OTUD7A: variants seen among roughly 807,000 people sequenced by gnomAD.
OTUD7A encodes the protein OTU domain-containing protein 7A.
In OTUD7A, 12 loss-of-function variants were observed where a neutral mutation model predicts 65.7. The observed-to-expected ratio is 0.18, with a 90% CI of 0.12 to 0.30. The LOEUF (loss-of-function observed/expected upper bound fraction) is 0.30, where lower values mean the gene tolerates loss of function less well. Ranked by LOEUF, OTUD7A falls within the 10% of genes least tolerant of loss-of-function variation. OTUD7A has a pLI of 1.00. For synonymous variants in OTUD7A, 641 were observed against 586.3 expected, an observed-to-expected ratio of 1.09 and a Z score of -1.35; for missense variants, 1,148 against 1,304.8, an observed-to-expected ratio of 0.88 and a Z score of 1.85.
At chr15:31,729,214 G>A in intron 1 of OTUD7A, among the ~76,000 whole-genome samples, 1 of 152,184 alleles carries the variant, frequency 6.6e-6, no homozygotes, top group Non-Finnish European at 1.5e-5. Context: ...GGTATCCACT[G>A]GGGTTTCGGA....
intron 1 of OTUD7A, among the ~76,000 whole-genome samples, chr15:31,826,828 T>C (rs1265265180): frequency 6.6e-6 from 1 of 152,176 alleles, no homozygotes. Context: ...GTTCCACAGA[T>C]CTCTAGGGCT....
intron 1 of OTUD7A, chr15:31,765,938 AT>A: frequency 7.5e-7 from 1 of 1,330,336 alleles, no homozygotes; most frequent in Non-Finnish European, 1.1e-6. Context: ...TTTTAACAAT[AT>A]TTTCTAAAAG....
At chr15:31,549,697 G>A (rs1888255906) in intron 5 of OTUD7A, among the ~76,000 whole-genome samples, 2 of 152,064 alleles carry the variant, frequency 1.3e-5, no homozygotes, top group Non-Finnish European at 2.9e-5. Flanking sequence ...GAGGGAAGAG[G>A]GAAAGGGGGA....
intron 1 of OTUD7A, among the ~76,000 whole-genome samples, chr15:31,869,069 G>C (rs2141025494): frequency 6.6e-6 from 1 of 152,278 alleles, no homozygotes; most frequent in East Asian, 1.9e-4. Context: ...CGATATGATA[G>C]GCTTGAGTAG....
At chr15:31,842,495 G>A (rs1386546609) in intron 1 of OTUD7A, among the ~76,000 whole-genome samples, 2 of 152,186 alleles carry the variant, frequency 1.3e-5, no homozygotes, top group Non-Finnish European at 2.9e-5. Context: ...TTTCACAGCC[G>A]GAAGTGAAGC....
intron 5 of OTUD7A, among the ~76,000 whole-genome samples, chr15:31,552,563 C>G (rs1381531115): frequency 6.6e-6 from 1 of 152,250 alleles, no homozygotes; most frequent in Non-Finnish European, 1.5e-5. Flanking sequence ...ATCTTCACAA[C>G]AGCCCCACAA....
In OTUD7A at chr15:31,716,466, G is replaced by A. The variant is rs570858885; in HGVS notation, c.-99-59389C>T. Among the ~76,000 whole-genome samples the A allele has an allele frequency of 5.7e-3, 668 of 117,130 alleles. 3 individuals are homozygous for A. The highest frequency in any genetic ancestry group is 0.017 in the African/African-American group (636 of 37,942). 76.8% of individuals were successfully genotyped at this position (117,130 alleles called of 152,430 possible). On this transcript the variant is annotated intron_variant, in intron 1 of 12. Transcript: ENST00000307050. ...ATTCAAAGATGGAGGAGCAAATGAC[G>A]TGTGAGTGGGCACAGCCTCCACAGA...
chr15:31,499,502 C>T (rs2041432972), intron 10 of OTUD7A, among the ~76,000 whole-genome samples: 1 of 152,254 alleles, frequency 6.6e-6, no homozygotes, highest in Admixed American at 6.5e-5. Context: ...ACTGTGATTT[C>T]CACGTCCCTC....
intron 4 of OTUD7A, among the ~76,000 whole-genome samples, chr15:31,562,426 TG>T (rs951628660): frequency 6.6e-6 from 1 of 152,166 alleles, no homozygotes; most frequent in Non-Finnish European, 1.5e-5. Flanking sequence ...GCTGCCGTTA[TG>T]CACACTAGCT....
intron 1 of OTUD7A, among the ~76,000 whole-genome samples, chr15:31,837,578 T>G (rs1897086896): frequency 6.6e-6 from 1 of 152,014 alleles, no homozygotes; most frequent in Non-Finnish European, 1.5e-5. Flanking sequence ...ATACAATGTT[T>G]AGGTATAAAT....
intron 1 of OTUD7A, among the ~76,000 whole-genome samples, chr15:31,796,190 AT>A (rs1895952463): frequency 1.2e-3 from 2 of 1,660 alleles, no homozygotes; most frequent in South Asian, 0.062. Flanking sequence ...TCTATGCATT[AT>A]CTATCTATCT....
chr15:31,702,619 G>A (rs1893237031), intron 1 of OTUD7A, among the ~76,000 whole-genome samples: 2 of 151,798 alleles, frequency 1.3e-5, no homozygotes, highest in Admixed American at 1.3e-4. Flanking sequence ...AATAAATGTA[G>A]AAACATACTG....
intron 4 of OTUD7A, 101 bp downstream of exon 4, chr15:31,569,917 G>C: frequency 2.3e-6 from 3 of 1,278,674 alleles, no homozygotes; most frequent in Non-Finnish European, 3.3e-6. Flanking sequence ...TCTGCATCCG[G>C]GAGGTGATGA....
chr15:31,691,603 C>T (rs79553757), intron 1 of OTUD7A, among the ~76,000 whole-genome samples: 2 of 147,354 alleles, frequency 1.4e-5, no homozygotes, highest in Non-Finnish European at 3.0e-5. Context: ...GGATTAAAGG[C>T]TTAAATATAA....
At chr15:31,717,934 T>C (rs1462280055) in intron 1 of OTUD7A, among the ~76,000 whole-genome samples, 1 of 152,228 alleles carries the variant, frequency 6.6e-6, no homozygotes, top group Non-Finnish European at 1.5e-5. Flanking sequence ...ATCACCATTC[T>C]AACTGGTGAG....
chr15:31,549,313 T>C (rs1463223441), intron 5 of OTUD7A, among the ~76,000 whole-genome samples: 6 of 152,204 alleles, frequency 3.9e-5, no homozygotes, highest in Non-Finnish European at 8.8e-5. Context: ...TCTGGATCTT[T>C]TAGCATAGAA....
At chr15:31,784,380 T>C (rs1036613232) in intron 1 of OTUD7A, among the ~76,000 whole-genome samples, 2 of 152,194 alleles carry the variant, frequency 1.3e-5, no homozygotes, top group African/African-American at 2.4e-5. Context: ...ACATGGATTG[T>C]GGAGCAGATA....
At chr15:31,551,793 C>G (rs1888332035) in intron 5 of OTUD7A, among the ~76,000 whole-genome samples, 1 of 152,126 alleles carries the variant, frequency 6.6e-6, no homozygotes. Flanking sequence ...CTCTGGGCAT[C>G]ACTGTGCTTT....
Position 31,482,757 on chromosome 15 carries a change from C to G in OTUD7A, c.*537G>C, listed in dbSNP as rs2041146265. On this transcript the variant is annotated 3_prime_UTR_variant, in exon 13 of 13. Transcript: ENST00000307050. ...GCCACAGTGACCACCAGGGCGTCAG[C>G]TGGCGGCCAGGTACCCGCCTTCTCC... 1 of 152,168 alleles carries G rather than the reference C, an allele frequency of 6.6e-6. No homozygotes were observed. Among genetic ancestry groups the G allele is most frequent in the Non-Finnish European group, 1.5e-5 (1 of 68,028 alleles). 9.4% of individuals were successfully genotyped at this position (152,168 alleles called of 1,614,324 possible).
Sources: allele counts gnomAD v4.1 joint callset (sites outside exome capture counted in the v4.1 genomes callset), GRCh38; gene constraint gnomAD v4.1.1; transcripts MANE v1.5; gene names NCBI Gene and HGNC (gene_info 2026-07-23, HGNC 2026-07-21).